PDCD6IP: variants seen among roughly 807,000 people sequenced by gnomAD.
PDCD6IP encodes programmed cell death 6-interacting protein.
A neutral mutation model predicts 103.7 loss-of-function variants in PDCD6IP; 43 were observed. That is an observed-to-expected ratio of 0.41 (90% CI 0.32 to 0.53). PDCD6IP has a LOEUF of 0.53. PDCD6IP is among the 20% of genes least tolerant of loss of function. The probability of loss-of-function intolerance (pLI) is 0.16; values close to 1 mark genes in which losing one functional copy is unlikely to be tolerated. For missense variants in PDCD6IP, 871 were observed against 1,036.7 expected (o/e 0.84, Z 2.20); for synonymous variants, 354 against 378.7 (o/e 0.93, Z 0.76).
chr3:33,818,003 T>C (rs1696893953), intron 3 of PDCD6IP, among the ~76,000 whole-genome samples: 1 of 151,732 alleles, frequency 6.6e-6, no homozygotes, highest in Non-Finnish European at 1.5e-5. Flanking sequence ...CAGTCTGGTA[T>C]GATAATATTT....
At chr3:33,817,931 A>G (rs1009533907) in intron 3 of PDCD6IP, among the ~76,000 whole-genome samples, 1 of 152,062 alleles carries the variant, frequency 6.6e-6, no homozygotes, top group Non-Finnish European at 1.5e-5. Flanking sequence ...AATAGCTCTT[A>G]TATGTAAAAT....
intron 3 of PDCD6IP, among the ~76,000 whole-genome samples, chr3:33,820,878 T>G (rs1696976561): frequency 6.6e-6 from 1 of 152,210 alleles, no homozygotes; most frequent in Non-Finnish European, 1.5e-5. Flanking sequence ...GTATATCTCT[T>G]TGAGACTCTG....
chr3:33,836,067 A>G lies in PDCD6IP; in HGVS notation c.858A>G (p.Thr286=). The G allele has an allele frequency of 6.2e-7, 1 of 1,608,304 alleles. No homozygotes were observed. The highest frequency in any genetic ancestry group is 8.5e-7 in the Non-Finnish European group (1 of 1,174,804). ...RLQHAAELIK[T]VASRYDEYVN... ...AGCATGCAGCAGAACTGATTAAAACAGTGGCATCTCGCTATGATGAATATG... is the reference window on the plus strand; with the variant it reads ...AGCATGCAGCAGAACTGATTAAAACGGTGGCATCTCGCTATGATGAATATG... The change falls in exon 8 of 18, where the codon ACA becomes ACG. Residue 286 remains threonine, a synonymous_variant. Coordinates refer to ENST00000307296, the MANE Select transcript of PDCD6IP (RefSeq NM_013374.6).
chr3:33,826,609 T>C (rs530326913), intron 6 of PDCD6IP, 29 bp downstream of exon 6: 1 of 1,609,044 alleles, frequency 6.2e-7, no homozygotes, highest in South Asian at 1.1e-5. Context: ...AAACACTTGC[T>C]TACTTTGCAT....
intron 11 of PDCD6IP, among the ~76,000 whole-genome samples, chr3:33,844,741 A>G (rs988471629): frequency 2.0e-5 from 3 of 152,142 alleles, no homozygotes; most frequent in African/African-American, 7.2e-5. Context: ...TCCACTTCCC[A>G]AAGTGATGAG....
At chr3:33,829,942 A>C (rs1183015346) in intron 7 of PDCD6IP, among the ~76,000 whole-genome samples, 2 of 152,154 alleles carry the variant, frequency 1.3e-5, no homozygotes, top group Non-Finnish European at 1.5e-5. Context: ...AGAGAGCAAG[A>C]GGGAGCCAAA....
At chr3:33,816,368 G>T (rs1437414767) in intron 3 of PDCD6IP, among the ~76,000 whole-genome samples, 2 of 152,002 alleles carry the variant, frequency 1.3e-5, no homozygotes, top group Admixed American at 6.6e-5. Flanking sequence ...GCCAGGTATA[G>T]TGGCGCACGC....
chr3:33,853,721 A>T (rs1213498277), intron 13 of PDCD6IP, among the ~76,000 whole-genome samples, 158 bp from the exon 14 acceptor site: 4 of 152,208 alleles, frequency 2.6e-5, no homozygotes, highest in Non-Finnish European at 5.9e-5. Context: ...GATTTAAAGC[A>T]TAATGAGGCT....
intron 13 of PDCD6IP, among the ~76,000 whole-genome samples, 186 bp downstream of exon 13, chr3:33,852,922 C>CTTT (rs1349679229): frequency 8.2e-5 from 11 of 134,666 alleles, no homozygotes; most frequent in South Asian, 2.5e-4. Context: ...AACAAAGTCA[C>CTTT]TTCTTTTTTT....
intron 3 of PDCD6IP, among the ~76,000 whole-genome samples, chr3:33,819,933 C>T (rs904445691): frequency 6.6e-6 from 1 of 152,152 alleles, no homozygotes; most frequent in African/African-American, 2.4e-5. Flanking sequence ...CATTATTGTG[C>T]AAACATCATC....
chr3:33,857,190 A>ATTT (rs34020687), intron 15 of PDCD6IP, among the ~76,000 whole-genome samples: 1 of 151,590 alleles, frequency 6.6e-6, no homozygotes, highest in South Asian at 2.1e-4. Flanking sequence ...AAAAAAGGTG[A>ATTT]TTTTTTTTTA....
At chr3:33,817,819 A>G (rs1696888106) in intron 3 of PDCD6IP, among the ~76,000 whole-genome samples, 1 of 152,072 alleles carries the variant, frequency 6.6e-6, no homozygotes, top group African/African-American at 2.4e-5. Flanking sequence ...ATACAGTTAA[A>G]TACTTAGAAA....
In PDCD6IP at chr3:33,798,806, G is replaced by A. The variant is rs140757943; in HGVS notation, c.78G>A (p.Gln26=). ...DLAKPLVKFI[Q]QTYPSGGEEQ... ...CCAAGCCGCTGGTGAAGTTCATCCAGCAGACTTACCCAAGCGGCGGGGAAG... is the reference window on the plus strand; with the variant it reads ...CCAAGCCGCTGGTGAAGTTCATCCAACAGACTTACCCAAGCGGCGGGGAAG... The change falls in exon 1 of 18, where the codon CAG becomes CAA. Residue 26 remains glutamine (Q), a synonymous_variant. Transcript: ENST00000307296. The A allele has an allele frequency of 3.0e-4, 467 of 1,569,822 alleles. 1 individual carries two copies. In the African/African-American group the frequency reaches 5.6e-3, roughly 19 times the overall value.
intron 15 of PDCD6IP, among the ~76,000 whole-genome samples, chr3:33,858,675 T>G (rs1697883605): frequency 6.6e-6 from 1 of 152,024 alleles, no homozygotes; most frequent in Non-Finnish European, 1.5e-5. Flanking sequence ...CTGGGCGTGG[T>G]GGCGGGCGCC....
At chr3:33,854,100 C>T in intron 14 of PDCD6IP, 87 bp downstream of exon 14, 1 of 1,405,318 alleles carries the variant, frequency 7.1e-7, no homozygotes, top group Non-Finnish European at 9.4e-7. Context: ...TCCAGTTGAA[C>T]CAAATTGCTC....
At chr3:33,822,706 A>G (rs10460995) in intron 4 of PDCD6IP, among the ~76,000 whole-genome samples, 48,563 of 152,030 alleles carry the variant, frequency 0.32, 9,871 homozygotes, top group South Asian at 0.48. Context: ...CCCAGGCTGG[A>G]GTGCAGTGGC....
At chr3:33,830,074 C>T (rs1221271126) in intron 7 of PDCD6IP, among the ~76,000 whole-genome samples, 1 of 152,146 alleles carries the variant, frequency 6.6e-6, no homozygotes, top group Non-Finnish European at 1.5e-5. Context: ...CGTCCCAACA[C>T]TTTGGGATTG....
chr3:33,860,190 A>T (rs116773423), intron 15 of PDCD6IP, among the ~76,000 whole-genome samples: 1 of 152,196 alleles, frequency 6.6e-6, no homozygotes, highest in Non-Finnish European at 1.5e-5. Flanking sequence ...TTTATATTTC[A>T]TATATCTAAT....
intron 7 of PDCD6IP, among the ~76,000 whole-genome samples, chr3:33,835,763 CT>C (rs900692305): frequency 1.9e-4 from 29 of 152,066 alleles, no homozygotes; most frequent in African/African-American, 7.0e-4. Context: ...AGCCAGCTTT[CT>C]TCAATGTCAG....
Sources: gnomAD v4.1 joint callset for allele counts (sites outside exome capture counted in the v4.1 genomes callset) on GRCh38, gnomAD v4.1.1 for gene constraint, MANE v1.5 for transcripts, NCBI Gene and HGNC (gene_info 2026-07-23, HGNC 2026-07-21) for gene names.